The following SEC23IP variants were observed in gnomAD, a reference collection of about 807,000 sequenced individuals.
SEC23IP encodes the protein SEC23-interacting protein.
Under a neutral mutation model 113.4 loss-of-function variants are expected in SEC23IP, and 70 were observed. That is an observed-to-expected ratio of 0.62 (90% confidence interval 0.51 to 0.75). The LOEUF is 0.75. SEC23IP is among the 30% of genes least tolerant of loss of function. The pLI is 0.00. For missense variants in SEC23IP, 1,160 were observed against 1,204.9 expected (o/e 0.96, Z 0.55); for synonymous variants, 398 against 421.0 (o/e 0.95, Z 0.67).
chr10:119,935,282 G>A (rs7902990), intron 18 of SEC23IP, among the ~76,000 whole-genome samples: 8,992 of 152,196 alleles, frequency 0.059, 294 homozygotes, highest in East Asian at 0.12. Context: ...CTAACATGGT[G>A]AAACCCTGTC....
chr10:119,932,977 TTTGA>T (rs750117266), intron 16 of SEC23IP, 24 bp from the exon 17 acceptor site: 1 of 1,601,350 alleles, frequency 6.2e-7, no homozygotes, highest in Non-Finnish European at 8.5e-7. Flanking sequence ...AGTGATTGAC[TTTGA>T]TATTGAAATG....
At position 119,941,421 on chromosome 10, in the gene SEC23IP, A is replaced by G. The variant is rs1855960599; in HGVS notation, c.*856A>G. The G allele has an allele frequency of 1.3e-5, 2 of 152,238 alleles. No homozygotes were observed. The highest frequency in any genetic ancestry group is 4.1e-4 in the South Asian group (2 of 4,836). The allele number at this position is 152,238 out of a possible 1,614,324, so 9.4% of individuals were successfully genotyped here. A position where few individuals can be genotyped will look rare whatever the true frequency, so the allele number is the denominator to read the frequency against. On this transcript the variant is annotated 3_prime_UTR_variant, in exon 19 of 19. Transcript: ENST00000369075. ...AATTTCACTTATACCAAAGTGTTTG[A>G]AAGTATGAAATGTGTTGCTTCTGAG...
At chr10:119,929,962 T>G (rs928798990) in intron 14 of SEC23IP, among the ~76,000 whole-genome samples, 200 bp downstream of exon 14, 2 of 152,222 alleles carry the variant, frequency 1.3e-5, no homozygotes, top group Admixed American at 1.3e-4. Flanking sequence ...TACTTTCTTT[T>G]TTGAAGAAGA....
chr10:119,915,971 G>C, intron 8 of SEC23IP, 82 bp downstream of exon 8: 1 of 1,178,874 alleles, frequency 8.5e-7, no homozygotes. Flanking sequence ...ATAGTTTATT[G>C]TAGCTTCAAT....
intron 5 of SEC23IP, among the ~76,000 whole-genome samples, chr10:119,910,514 T>TA (rs1312534264): frequency 1.3e-5 from 2 of 152,160 alleles, no homozygotes; most frequent in Non-Finnish European, 2.9e-5. Context: ...GAAAAGTATA[T>TA]AAAAAACTTA....
At chr10:119,895,929 G>A (rs974139492) in intron 1 of SEC23IP, among the ~76,000 whole-genome samples, 4 of 152,214 alleles carry the variant, frequency 2.6e-5, no homozygotes, top group Non-Finnish European at 4.4e-5. Context: ...GGAGTTTGTA[G>A]TTCATCTTGT....
rs1202355833 is a variant in SEC23IP, at chr10:119,933,803, T to C, written c.*20+16T>C. 3 of 1,156,074 alleles carry C rather than the reference T, an allele frequency of 2.6e-6. No individual in the cohort carries two copies. Among genetic ancestry groups the C allele is most frequent in the Non-Finnish European group, 2.6e-6 (2 of 768,542 alleles). 71.6% of individuals were successfully genotyped at this position (1,156,074 alleles called of 1,614,324 possible). A position where few individuals can be genotyped will look rare whatever the true frequency, so the allele number is the denominator to read the frequency against. On this transcript the variant is annotated intron_variant, in intron 18 of 18. Coordinates refer to ENST00000369075, the MANE Select transcript of SEC23IP (RefSeq NM_007190.4). Reference sequence around the variant, plus strand: ...GTTTTACTGTGTGAGTTTATCCTTATTGAATGTATAAATTCTGAATGTTTG... The same window carrying C: ...GTTTTACTGTGTGAGTTTATCCTTACTGAATGTATAAATTCTGAATGTTTG...
chr10:119,926,364 A>C (rs1023117769), intron 13 of SEC23IP, 137 bp downstream of exon 13: 3 of 916,558 alleles, frequency 3.3e-6, no homozygotes, highest in Admixed American at 2.9e-5. Context: ...TCTCTTAGTG[A>C]AAATTTTTTT....
Position 119,909,126 on chromosome 10 carries a change from CA to C in SEC23IP, c.1190del (p.Lys397ArgfsTer28). On this transcript the variant is annotated frameshift_variant, in exon 5 of 19. Transcript: ENST00000369075. LOFTEE classifies it high-confidence loss of function. ...GGAGAGACAATTGTTATGCACAATC[CA>C]AAGGTAATGATGGTGTTCAAAATTT... ...PSGETIVMHN[P>X]KVIVQFQPSS... 1 of 1,601,090 alleles carries C rather than the reference CA, an allele frequency of 6.2e-7. No individual in the cohort carries two copies. The highest frequency in any genetic ancestry group is 8.5e-7 in the Non-Finnish European group (1 of 1,171,520).
chr10:119,893,093 G>A (rs1854148018), intron 1 of SEC23IP, 148 bp downstream of exon 1: 1 of 824,048 alleles, frequency 1.2e-6, no homozygotes, highest in East Asian at 2.9e-5. Context: ...GAGTGGGTCG[G>A]GGGCTTTGGG....
At chr10:119,936,234 G>C (rs1276656106) in intron 18 of SEC23IP, among the ~76,000 whole-genome samples, 1 of 152,122 alleles carries the variant, frequency 6.6e-6, no homozygotes, top group Non-Finnish European at 1.5e-5. Context: ...CTTAGAAGCA[G>C]TGTTCTTATT....
At chr10:119,939,224 TGGG>T in intron 18 of SEC23IP, among the ~76,000 whole-genome samples, 1 of 147,730 alleles carries the variant, frequency 6.8e-6, no homozygotes, top group East Asian at 2.0e-4. Flanking sequence ...GAGGCTGAGG[TGGG>T]AGGATTGCTG....
chr10:119,940,320 TG>T (rs1285555756), intron 18 of SEC23IP, among the ~76,000 whole-genome samples: 2 of 151,918 alleles, frequency 1.3e-5, no homozygotes, highest in East Asian at 3.9e-4. Flanking sequence ...CCAGAGTAGC[TG>T]GGATTACAGG....
At chr10:119,925,825 A>G (rs1292907333) in intron 12 of SEC23IP, among the ~76,000 whole-genome samples, 1 of 152,212 alleles carries the variant, frequency 6.6e-6, no homozygotes, top group Non-Finnish European at 1.5e-5. Context: ...TACTGGGGTG[A>G]GCCACTGTGC....
At chr10:119,894,477 A>T (rs1237352900) in intron 1 of SEC23IP, among the ~76,000 whole-genome samples, 1 of 152,228 alleles carries the variant, frequency 6.6e-6, no homozygotes, top group East Asian at 1.9e-4. Context: ...ACTAGGATGT[A>T]AGACCATGAA....
At chr10:119,936,002 C>T (rs1007323091) in intron 18 of SEC23IP, among the ~76,000 whole-genome samples, 1 of 152,196 alleles carries the variant, frequency 6.6e-6, no homozygotes, top group African/African-American at 2.4e-5. Flanking sequence ...TACTGATGGG[C>T]ATTGAAGTTA....
In SEC23IP at chr10:119,919,557, T is replaced by C; in HGVS notation, c.1986T>C (p.Phe662=). Residue 662 remains phenylalanine (F), a synonymous_variant, in exon 11 of 19, where the codon TTT becomes TTC. Transcript: ENST00000369075. The part of the protein sequence containing the change: ...TLEALSLSEY[F]STFEKEKIDM... Reference sequence around the variant, plus strand: ...AAGCACTTAGCCTCTCTGAATATTTTAGCACTTTTGAAAAGGAAAAGATTG... The same window carrying C: ...AAGCACTTAGCCTCTCTGAATATTTCAGCACTTTTGAAAAGGAAAAGATTG... 1.2e-6 allele frequency: 2 copies of C among 1,613,504 alleles called. No individual in the cohort carries two copies. The highest frequency in any genetic ancestry group is 1.3e-5 in the African/African-American group (1 of 74,994).
chr10:119,933,222 C>T lies in SEC23IP; in HGVS notation c.2921+55C>T, dbSNP rs1330045048. 2.7e-6 allele frequency: 4 copies of T among 1,464,706 alleles called. No homozygotes were observed. The East Asian group carries it at 9.1e-5, about 33-fold the overall frequency. The allele number at this position is 1,464,706 out of a possible 1,614,324, so 90.7% of individuals were successfully genotyped here. ...AGTGGGCTTTTGGTGCTAGCACGTG[C>T]AGCAATTTTAGTTTTAGTGAGATTC... On this transcript the variant is annotated intron_variant, in intron 17 of 18. Coordinates refer to ENST00000369075, the MANE Select transcript of SEC23IP (RefSeq NM_007190.4).
rs116004608 is a variant in SEC23IP, at chr10:119,918,236, G to A, written c.1754-157G>A. Among the ~76,000 whole-genome samples the A allele has an allele frequency of 4.2e-3, 640 of 152,232 alleles. 5 individuals carry two copies. Among genetic ancestry groups the A allele is most frequent in the African/African-American group, 0.014 (602 of 41,522 alleles). On this transcript the variant is annotated intron_variant, in intron 9 of 18. Transcript: ENST00000369075. ...TCTAGTATTACCTAGGGAATGCTAT[G>A]TATTTTACTTTATTCTGCTGTTTGA...
Sources: allele counts gnomAD v4.1 joint callset (sites outside exome capture counted in the v4.1 genomes callset), GRCh38; gene constraint gnomAD v4.1.1; transcripts MANE v1.5; gene names NCBI Gene and HGNC (gene_info 2026-07-23, HGNC 2026-07-21).